CTNNA2: variants seen among roughly 807,000 people sequenced by gnomAD.
CTNNA2 encodes catenin alpha-2.
CTNNA2 carries 42 observed loss-of-function variants against 101.0 expected under a neutral mutation model. The ratio of observed to expected loss-of-function variants is 0.42; its 90% CI spans 0.32 to 0.54. The LOEUF (loss-of-function observed/expected upper bound fraction) is 0.54, where lower values mean the gene tolerates loss of function less well. CTNNA2 is among the 20% of genes least tolerant of loss of function. The pLI is 0.14. For missense variants in CTNNA2, 871 were observed against 1,223.1 expected (o/e 0.71, Z 4.29); for synonymous variants, 450 against 456.4 (o/e 0.99, Z 0.18).
chr2:79,587,338 G>T (rs2103953838), intron 1 of CTNNA2, among the ~76,000 whole-genome samples: 1 of 152,136 alleles, frequency 6.6e-6, no homozygotes, highest in East Asian at 1.9e-4. Flanking sequence ...CCATTTTAAT[G>T]AGATGAGGAA....
intron 3 of CTNNA2, among the ~76,000 whole-genome samples, chr2:79,850,181 T>C (rs917161748): frequency 6.2e-5 from 9 of 144,888 alleles, no homozygotes; most frequent in African/African-American, 2.3e-4. Flanking sequence ...TCCTCCATCC[T>C]TCCCTCTCTC....
At chr2:79,356,343 T>C (rs995429806) in intron 3 of CTNNA2, among the ~76,000 whole-genome samples, 3 of 152,158 alleles carry the variant, frequency 2.0e-5, no homozygotes, top group East Asian at 1.9e-4. Flanking sequence ...TATAAATTCT[T>C]ATTACTATAA....
chr2:80,024,066 G>T (rs994467997), intron 7 of CTNNA2, among the ~76,000 whole-genome samples: 2 of 140,914 alleles, frequency 1.4e-5, no homozygotes, highest in African/African-American at 5.2e-5. Context: ...CAGCCTGGGC[G>T]ACAGAGCGAG....
chr2:79,472,760 T>A (rs1361461492), intron 4 of CTNNA2, among the ~76,000 whole-genome samples: 1 of 152,214 alleles, frequency 6.6e-6, no homozygotes, highest in African/African-American at 2.4e-5. Context: ...TTTCCAAATA[T>A]TTAAGTTCTA....
chr2:80,434,310 T>C (rs1438599449), intron 9 of CTNNA2, among the ~76,000 whole-genome samples: 3 of 152,210 alleles, frequency 2.0e-5, no homozygotes, highest in Admixed American at 2.0e-4. Flanking sequence ...ATGTTCTGTT[T>C]TGTTCAAAAA....
intron 7 of CTNNA2, among the ~76,000 whole-genome samples, chr2:80,105,411 G>A (rs952652937): frequency 6.6e-6 from 1 of 152,204 alleles, no homozygotes; most frequent in Non-Finnish European, 1.5e-5. Context: ...GGTACATAAA[G>A]CTTTACCTAT....
At chr2:80,521,280 T>C (rs1051289916) in intron 9 of CTNNA2, among the ~76,000 whole-genome samples, 1 of 152,216 alleles carries the variant, frequency 6.6e-6, no homozygotes, top group Non-Finnish European at 1.5e-5. Flanking sequence ...GTACCTGCTA[T>C]ACTCACCAAA....
intron 1 of CTNNA2, among the ~76,000 whole-genome samples, chr2:79,605,178 C>T (rs1677803102): frequency 6.6e-6 from 1 of 151,980 alleles, no homozygotes; most frequent in African/African-American, 2.4e-5. Flanking sequence ...AAACTAATTC[C>T]TAGAGATGGA....
intron 7 of CTNNA2, among the ~76,000 whole-genome samples, chr2:80,277,733 T>C (rs758451901): frequency 6.6e-6 from 1 of 152,168 alleles, no homozygotes; most frequent in Admixed American, 6.5e-5. Context: ...TATTTGGTTA[T>C]AGGGAATTCT....
intron 4 of CTNNA2, among the ~76,000 whole-genome samples, chr2:79,408,878 G>T (rs1678373548): frequency 6.6e-6 from 1 of 151,522 alleles, no homozygotes; most frequent in Admixed American, 6.6e-5. Flanking sequence ...TCGCCACACT[G>T]ACTTCCACAA....
chr2:79,643,353 A>G (rs1011172064), intron 1 of CTNNA2, among the ~76,000 whole-genome samples: 4 of 152,208 alleles, frequency 2.6e-5, no homozygotes, highest in African/African-American at 9.6e-5. Flanking sequence ...ATGTGTGGTG[A>G]TGGTTCCTGA....
intron 1 of CTNNA2, among the ~76,000 whole-genome samples, chr2:79,589,719 C>CT (rs11437417): frequency 6.6e-6 from 1 of 150,748 alleles, no homozygotes; most frequent in African/African-American, 2.4e-5. Flanking sequence ...TTTTTTTTTC[C>CT]CCCCCCCGAG....
chr2:80,592,146 A>G (rs941758736), intron 15 of CTNNA2, among the ~76,000 whole-genome samples: 4 of 151,780 alleles, frequency 2.6e-5, no homozygotes, highest in Non-Finnish European at 5.9e-5. Context: ...TGAGACTAAG[A>G]AAAAAAAACT....
chr2:79,224,574 A>G (rs765024419), intron 2 of CTNNA2, among the ~76,000 whole-genome samples: 1 of 152,086 alleles, frequency 6.6e-6, no homozygotes, highest in African/African-American at 2.4e-5. Context: ...CTAAATTTCA[A>G]TATTCATTAT....
intron 7 of CTNNA2, among the ~76,000 whole-genome samples, chr2:80,361,808 G>A (rs1056816938): frequency 2.0e-5 from 3 of 152,060 alleles, no homozygotes. Context: ...GGAAGAGAAA[G>A]AAAATGGTTT....
intron 14 of CTNNA2, among the ~76,000 whole-genome samples, chr2:80,582,406 G>C (rs1361068405): frequency 1.3e-5 from 2 of 152,104 alleles, no homozygotes; most frequent in East Asian, 3.9e-4. Context: ...CCATATGATA[G>C]AAAAATAGAG....
At chr2:80,016,021 A>G (rs1170109823) in intron 7 of CTNNA2, among the ~76,000 whole-genome samples, 2 of 152,206 alleles carry the variant, frequency 1.3e-5, no homozygotes, top group East Asian at 3.9e-4. Flanking sequence ...TCATTTCAGC[A>G]CTTGGAAGTC....
At chr2:79,851,181 T>C (rs1039618081) in intron 3 of CTNNA2, among the ~76,000 whole-genome samples, 2 of 152,246 alleles carry the variant, frequency 1.3e-5, no homozygotes, top group Admixed American at 6.5e-5. Context: ...GGTGACCTTG[T>C]AACTTCTGTG....
intron 9 of CTNNA2, among the ~76,000 whole-genome samples, chr2:80,525,300 A>G (rs1689939291): frequency 6.6e-6 from 1 of 151,828 alleles, no homozygotes; most frequent in Admixed American, 6.6e-5. Flanking sequence ...TGTGCTCAAG[A>G]GAGAATCCTT....
Sources: gnomAD v4.1 joint callset for allele counts (sites outside exome capture counted in the v4.1 genomes callset) on GRCh38, gnomAD v4.1.1 for gene constraint, MANE v1.5 for transcripts, NCBI Gene and HGNC (gene_info 2026-07-23, HGNC 2026-07-21) for gene names.